CADM1: variants seen among roughly 807,000 people sequenced by gnomAD.
CADM1 encodes cell adhesion molecule 1, also known as TSLC-1.
CADM1 carries 15 observed loss-of-function variants against 53.1 expected under a neutral mutation model. The observed-to-expected ratio is 0.28, with a 90% confidence interval of 0.19 to 0.44. CADM1 has a LOEUF of 0.44. Among genes scored for constraint, CADM1 ranks in the 20% least tolerant of loss-of-function variants. The pLI is 1.00. For missense variants in CADM1, 434 were observed against 611.3 expected (o/e 0.71, Z 3.06); for synonymous variants, 281 against 243.0 (o/e 1.16, Z -1.45).
intron 1 of CADM1, among the ~76,000 whole-genome samples, chr11:115,474,909 A>G (rs1949097656): frequency 6.6e-6 from 1 of 152,188 alleles, no homozygotes; most frequent in Admixed American, 6.5e-5. Context: ...AACTAAACAC[A>G]CACACATATA....
Position 115,170,802 on chromosome 11 carries a change from C to T in CADM1, c.*5672G>A, listed in dbSNP as rs1214750573. 6.6e-6 allele frequency: 1 copy of T among 152,168 alleles called. No homozygotes were observed. The highest frequency in any genetic ancestry group is 2.4e-5 in the African/African-American group (1 of 41,414). 9.4% of individuals were successfully genotyped at this position (152,168 alleles called of 1,614,324 possible). On this transcript the variant is annotated 3_prime_UTR_variant, in exon 12 of 12. Coordinates refer to ENST00000331581, the MANE Select transcript of CADM1 (RefSeq NM_001301043.2). The stretch of plus-strand genomic sequence containing the variant: ...CAAAATGATATTCCCTGATACTATT[C>T]CAGTGGGTCCTTGAGAATGATAGGG...
chr11:115,231,757 C>T (rs531306100), intron 3 of CADM1, among the ~76,000 whole-genome samples: 5 of 152,162 alleles, frequency 3.3e-5, no homozygotes, highest in Admixed American at 6.5e-5. Flanking sequence ...GAGGCCGAGG[C>T]GGGCAGATTA....
chr11:115,238,029 C>T (rs1019094696), intron 3 of CADM1, among the ~76,000 whole-genome samples: 1 of 152,048 alleles, frequency 6.6e-6, no homozygotes, highest in East Asian at 1.9e-4. Context: ...AAGCAATAAA[C>T]AAGGCCGTAA....
rs146610290 is a variant in CADM1, at chr11:115,331,963, C to T, written c.125-91543G>A. On this transcript the variant is annotated intron_variant, in intron 1 of 11. Transcript: ENST00000331581. ...CTGATAGATTTCTTTATTCTACATA[C>T]ATTTATTGATCCAATTGTCCCAGTT... is the stretch of plus-strand genomic sequence containing the variant. 9.9e-5 allele frequency among the ~76,000 whole-genome samples: 15 copies of T among 151,432 alleles called. No individual in the cohort carries two copies. In the East Asian group the frequency reaches 2.3e-3, roughly 24 times the overall value.
chr11:115,278,599 A>G (rs1350858951), intron 1 of CADM1, among the ~76,000 whole-genome samples: 1 of 152,206 alleles, frequency 6.6e-6, no homozygotes, highest in Admixed American at 6.5e-5. Flanking sequence ...ATGAGTATAG[A>G]GGGAACAGGG....
intron 1 of CADM1, among the ~76,000 whole-genome samples, chr11:115,379,551 TGACA>T (rs1238213907): frequency 5.3e-5 from 8 of 152,238 alleles, no homozygotes; most frequent in African/African-American, 1.7e-4. Flanking sequence ...ATTCACTGAC[TGACA>T]AAGTACTGCA....
chr11:115,322,587 C>T (rs574573005), intron 1 of CADM1, among the ~76,000 whole-genome samples: 2 of 152,134 alleles, frequency 1.3e-5, no homozygotes, highest in Non-Finnish European at 1.5e-5. Context: ...TATCCCAACC[C>T]GTGGCAACCA....
chr11:115,304,622 C>A (rs948145439), intron 1 of CADM1, among the ~76,000 whole-genome samples: 8 of 151,872 alleles, frequency 5.3e-5, no homozygotes, highest in African/African-American at 1.9e-4. Context: ...ACATTTACTC[C>A]CTATGCATTT....
Position 115,231,154 on chromosome 11 carries a change from C to T in CADM1, c.562+199G>A, listed in dbSNP as rs11215435. On this transcript the variant is annotated intron_variant, in intron 4 of 11. Transcript: ENST00000331581. ...ACAGCTATCACCATGAACCCTCAAA[C>T]AGCAGAATGAGGACATGGATTAGAA... Among the ~76,000 whole-genome samples, 873 of 152,340 alleles carry T rather than the reference C, an allele frequency of 5.7e-3. 15 individuals are homozygous for T. The highest frequency in any genetic ancestry group is 0.02 in the African/African-American group (830 of 41,562).
intron 1 of CADM1, among the ~76,000 whole-genome samples, chr11:115,464,093 C>A (rs768008056): frequency 2.0e-5 from 3 of 152,142 alleles, no homozygotes; most frequent in Non-Finnish European, 2.9e-5. Flanking sequence ...TGCATCTATT[C>A]CCTTTTCCTT....
intron 1 of CADM1, among the ~76,000 whole-genome samples, chr11:115,449,224 C>T (rs746828420): frequency 4.6e-5 from 7 of 152,136 alleles, no homozygotes; most frequent in Admixed American, 6.5e-5. Context: ...TCAACAATAG[C>T]GGTTTATATC....
intron 1 of CADM1, among the ~76,000 whole-genome samples, chr11:115,246,729 T>C (rs1382348376): frequency 1.3e-5 from 2 of 152,238 alleles, no homozygotes; most frequent in African/African-American, 4.8e-5. Context: ...TTTGTTGTTG[T>C]TGTTTTGACA....
At position 115,404,061 on chromosome 11, in the gene CADM1, C is replaced by G. The variant is rs189026701; in HGVS notation, c.124+100210G>C. On this transcript the variant is annotated intron_variant, in intron 1 of 11. Transcript: ENST00000331581. ...TAAAATTAGGCTGGGCACAGTTGCT[C>G]ACGCCTGTAATCCCAACACCCTGGG... Among the ~76,000 whole-genome samples, 273 of 150,680 alleles carry G rather than the reference C, an allele frequency of 1.8e-3. 1 individual carries two copies. The highest frequency in any genetic ancestry group is 6.8e-3 in the Middle Eastern group (2 of 294).
chr11:115,284,630 C>A (rs746248021), intron 1 of CADM1, among the ~76,000 whole-genome samples: 1 of 152,098 alleles, frequency 6.6e-6, no homozygotes, highest in African/African-American at 2.4e-5. Flanking sequence ...CTAGTTCCTC[C>A]TTTTCTATTT....
chr11:115,340,651 TA>T (rs1326606957), intron 1 of CADM1, among the ~76,000 whole-genome samples: 1,052 of 41,206 alleles, frequency 0.026, 37 homozygotes, highest in Non-Finnish European at 0.039. Flanking sequence ...TATATATATA[TA>T]TATATATTTT....
At chr11:115,388,030 G>T (rs1174746389) in intron 1 of CADM1, among the ~76,000 whole-genome samples, 2 of 152,076 alleles carry the variant, frequency 1.3e-5, no homozygotes, top group Non-Finnish European at 2.9e-5. Flanking sequence ...ACCAGAAAAA[G>T]TTAGTGCTGA....
chr11:115,264,704 G>A (rs748525228), intron 1 of CADM1, among the ~76,000 whole-genome samples: 1 of 152,106 alleles, frequency 6.6e-6, no homozygotes, highest in Non-Finnish European at 1.5e-5. Flanking sequence ...CCTCCATTTT[G>A]TCATCTATAA....
intron 1 of CADM1, among the ~76,000 whole-genome samples, chr11:115,255,265 A>G (rs559405742): frequency 6.6e-6 from 1 of 152,360 alleles, no homozygotes; most frequent in Non-Finnish European, 1.5e-5. Flanking sequence ...GGCAAAGGAC[A>G]CATACATTCT....
chr11:115,340,637 TATATATA>T (rs1945406698), intron 1 of CADM1, among the ~76,000 whole-genome samples: 4 of 34,272 alleles, frequency 1.2e-4, no homozygotes, highest in African/African-American at 4.3e-4. Flanking sequence ...TATATATATA[TATATATA>T]TATATATATA....
Sources: gnomAD v4.1 joint callset for allele counts (sites outside exome capture counted in the v4.1 genomes callset) on GRCh38, gnomAD v4.1.1 for gene constraint, MANE v1.5 for transcripts, NCBI Gene and HGNC (gene_info 2026-07-23, HGNC 2026-07-21) for gene names.